Variants in RTN1 observed in about 807,000 individuals in gnomAD.
The protein encoded by RTN1 is reticulon 1.
In RTN1, 25 loss-of-function variants were observed where a neutral mutation model predicts 65.5. That is an observed-to-expected ratio of 0.38 (90% CI 0.28 to 0.53). The LOEUF is 0.53. Among genes scored for constraint, RTN1 ranks in the 20% least tolerant of loss-of-function variants. The pLI, the probability that RTN1 is intolerant of heterozygous loss-of-function variation, is 0.79. For missense variants in RTN1, 983 were observed against 1,025.4 expected, an observed-to-expected ratio of 0.96 and a Z score of 0.57; for synonymous variants, 471 against 447.6, an observed-to-expected ratio of 1.05 and a Z score of -0.66.
At chr14:59,843,314 T>C (rs1035653471) in intron 1 of RTN1, among the ~76,000 whole-genome samples, 1 of 152,114 alleles carries the variant, frequency 6.6e-6, no homozygotes, top group Non-Finnish European at 1.5e-5. Flanking sequence ...GAATGGGAGA[T>C]TGACTAGGAG....
intron 3 of RTN1, among the ~76,000 whole-genome samples, chr14:59,634,576 C>G (rs945472359): frequency 2.6e-5 from 4 of 152,144 alleles, no homozygotes; most frequent in Admixed American, 6.5e-5. Flanking sequence ...TTTCTTGATT[C>G]ATTTATTCAT....
chr14:59,725,388 T>A (rs1884736059), intron 3 of RTN1, among the ~76,000 whole-genome samples: 1 of 152,214 alleles, frequency 6.6e-6, no homozygotes, highest in Non-Finnish European at 1.5e-5. Flanking sequence ...GAACACATGC[T>A]CAGCATGACT....
chr14:59,609,907 A>C (rs1207577528), intron 3 of RTN1, among the ~76,000 whole-genome samples: 1 of 152,212 alleles, frequency 6.6e-6, no homozygotes, highest in African/African-American at 2.4e-5. Context: ...AATAAATGGT[A>C]ATCTGTTTTA....
At chr14:59,639,138 C>T (rs1391114010) in intron 3 of RTN1, among the ~76,000 whole-genome samples, 1 of 152,066 alleles carries the variant, frequency 6.6e-6, no homozygotes, top group African/African-American at 2.4e-5. Flanking sequence ...AGAGAATGGC[C>T]AGTTGGTTGA....
intron 1 of RTN1, among the ~76,000 whole-genome samples, chr14:59,806,755 C>G (rs1374512539): frequency 1.3e-5 from 2 of 152,204 alleles, no homozygotes; most frequent in Non-Finnish European, 2.9e-5. Context: ...CTAAGGATAA[C>G]AGCCTCCAGC....
chr14:59,675,739 C>T (rs916582921), intron 3 of RTN1, among the ~76,000 whole-genome samples: 5 of 151,844 alleles, frequency 3.3e-5, no homozygotes, highest in Non-Finnish European at 7.4e-5. Context: ...CAGGGGTATC[C>T]AATTCCAACA....
intron 3 of RTN1, among the ~76,000 whole-genome samples, chr14:59,638,377 T>C (rs1882709624): frequency 1.3e-5 from 2 of 152,234 alleles, no homozygotes; most frequent in African/African-American, 4.8e-5. Context: ...AAATATTCAG[T>C]AAACTATGCT....
chr14:59,717,929 G>T (rs796440497), intron 3 of RTN1, among the ~76,000 whole-genome samples: 1 of 152,150 alleles, frequency 6.6e-6, no homozygotes, highest in Admixed American at 6.5e-5. Context: ...AATTAACTGC[G>T]GAGCTACTTA....
intron 3 of RTN1, among the ~76,000 whole-genome samples, chr14:59,664,730 G>A (rs1182247143): frequency 1.3e-5 from 2 of 152,056 alleles, no homozygotes; most frequent in Admixed American, 6.6e-5. Flanking sequence ...CCATGTTATG[G>A]ATGTACCATG....
chr14:59,749,164 CTA>C (rs1363556505), intron 1 of RTN1, among the ~76,000 whole-genome samples: 2 of 80,162 alleles, frequency 2.5e-5, no homozygotes, highest in South Asian at 3.3e-4. Flanking sequence ...CTATATCTAT[CTA>C]TATATCTATC....
chr14:59,754,095 G>T (rs1049712814), intron 1 of RTN1, among the ~76,000 whole-genome samples: 1 of 152,062 alleles, frequency 6.6e-6, no homozygotes, highest in African/African-American at 2.4e-5. Flanking sequence ...CTTCAAAAAA[G>T]TACTTATAAT....
intron 1 of RTN1, among the ~76,000 whole-genome samples, chr14:59,777,828 A>ACAAC (rs1566723773): frequency 4.0e-5 from 6 of 149,970 alleles, no homozygotes; most frequent in African/African-American, 1.2e-4. Context: ...ACAACAAAAA[A>ACAAC]AAAAAACAAA....
chr14:59,698,315 T>C (rs1884106186), intron 3 of RTN1, among the ~76,000 whole-genome samples: 2 of 152,230 alleles, frequency 1.3e-5, no homozygotes, highest in Admixed American at 6.5e-5. Flanking sequence ...GGTAACATCA[T>C]AATCAACACT....
rs931261714 is a variant in RTN1, at chr14:59,838,002, A to G, written c.241+32388T>C. Among the ~76,000 whole-genome samples, 3 of 152,226 alleles carry G rather than the reference A, an allele frequency of 2.0e-5. No homozygotes were observed. The East Asian group carries it at 5.8e-4, about 29-fold the overall frequency. On this transcript the variant is annotated intron_variant, in intron 1 of 8. Coordinates refer to ENST00000267484, the MANE Select transcript of RTN1 (RefSeq NM_021136.3). ...ACATGTGCAGGTTTGTTACATGGGT[A>G]TAATGCATGATACTGAGGTTTGGGG...
chr14:59,607,342 C>T lies in RTN1; in HGVS notation c.1916G>A (p.Arg639His), dbSNP rs749408245. 15 of 1,613,946 alleles carry T rather than the reference C, an allele frequency of 9.3e-6. No homozygotes were observed. The African/African-American group carries it at 1.2e-4, about 13-fold the overall frequency. The change falls in exon 4 of 9, where the codon CGC becomes CAC. Residue 639 changes from arginine to histidine, a missense_variant. This residue lies in a region of RTN1 where 165 missense variants were observed against 223.6 expected (regional missense o/e 0.74). Transcript: ENST00000267484. Reference protein sequence around the residue: ...LAALSATISFRIYKSVLQAVQ... With the variant: ...LAALSATISFHIYKSVLQAVQ... The stretch of plus-strand genomic sequence containing the variant: ...TGCTTGTAAAACAGACTTGTAGATG[C>T]GGAAACTGATGGTGGCTGAGAGTGC...
At chr14:59,792,536 T>C (rs959757364) in intron 1 of RTN1, among the ~76,000 whole-genome samples, 2 of 152,164 alleles carry the variant, frequency 1.3e-5, no homozygotes, top group African/African-American at 4.8e-5. Flanking sequence ...ATAACATCTG[T>C]CTTAGTATCA....
chr14:59,783,184 C>A (rs1886188296), intron 1 of RTN1, among the ~76,000 whole-genome samples: 1 of 152,168 alleles, frequency 6.6e-6, no homozygotes, highest in Admixed American at 6.6e-5. Context: ...TGCTACACCC[C>A]TCTATGCCTA....
intron 1 of RTN1, among the ~76,000 whole-genome samples, chr14:59,833,724 C>T (rs1260057240): frequency 6.6e-6 from 1 of 152,050 alleles, no homozygotes; most frequent in Non-Finnish European, 1.5e-5. Flanking sequence ...TCTATTGTTC[C>T]CTTCTTTGTG....
Position 59,750,150 on chromosome 14 carries a change from T to TATATCTATA in RTN1, c.242-3670_242-3669insTATAGATAT, listed in dbSNP as rs1885429510. Among the ~76,000 whole-genome samples the TATATCTATA allele has an allele frequency of 2.8e-4, 15 of 52,816 alleles. 1 individual carries two copies. The highest frequency in any genetic ancestry group is 7.7e-4 in the East Asian group (1 of 1,304). The allele number at this position is 52,816 out of a possible 152,430, so 34.6% of individuals were successfully genotyped here. A position where few individuals can be genotyped will look rare whatever the true frequency, so the allele number is the denominator to read the frequency against. On this transcript the variant is annotated intron_variant, in intron 1 of 8. Coordinates refer to ENST00000267484, the MANE Select transcript of RTN1 (RefSeq NM_021136.3). ...TATCTATAATATATAATATATATAT[T>TATATCTATA]ATAGATAATATATATTATATCTATA...
Sources: gnomAD v4.1 joint callset for allele counts (sites outside exome capture counted in the v4.1 genomes callset) on GRCh38, gnomAD v4.1.1 for gene constraint, gnomAD v4.1.1 regional missense constraint, MANE v1.5 for transcripts, NCBI Gene and HGNC (gene_info 2026-07-23, HGNC 2026-07-21) for gene names.